CENPE: variants seen among roughly 807,000 people sequenced by gnomAD.
The protein encoded by CENPE is centromere-associated protein E.
Under a neutral mutation model 336.1 loss-of-function variants are expected in CENPE, and 145 were observed. The observed-to-expected ratio is 0.43, with a 90% confidence interval of 0.38 to 0.50. The LOEUF (loss-of-function observed/expected upper bound fraction) is 0.50, where lower values mean the gene tolerates loss of function less well. CENPE is among the 20% of genes least tolerant of loss of function. The pLI is 0.00. For missense variants in CENPE, 2,719 were observed against 3,023.3 expected (o/e 0.90, Z 2.36); for synonymous variants, 1,013 against 984.8 (o/e 1.03, Z -0.54).
intron 46 of CENPE, among the ~76,000 whole-genome samples, chr4:103,112,157 T>G (rs1174875374): frequency 6.6e-6 from 1 of 150,716 alleles, no homozygotes; most frequent in Admixed American, 6.6e-5. Flanking sequence ...TGTGTGCACA[T>G]GCATATATAT....
intron 16 of CENPE, among the ~76,000 whole-genome samples, chr4:103,168,069 G>A (rs1279133151): frequency 6.6e-6 from 1 of 151,818 alleles, no homozygotes; most frequent in African/African-American, 2.4e-5. Flanking sequence ...GATTCCGACG[G>A]GGACATGTAC....
chr4:103,139,836 T>A lies in CENPE; in HGVS notation c.6157A>T (p.Met2053Leu), dbSNP rs764537289. 1.1e-5 allele frequency: 18 copies of A among 1,612,582 alleles called. No homozygotes were observed. The highest frequency in any genetic ancestry group is 1.5e-5 in the Non-Finnish European group (18 of 1,179,432). Reference protein sequence around the residue: ...ELRRIKESLKMERDQFIATLR... With the variant: ...ELRRIKESLKLERDQFIATLR... Reference sequence around the variant, plus strand: ...GTTGCTATGAATTGGTCCCTTTCCATTTTGAGAGATTCTTTTATCCTCCTT... The same window carrying A: ...GTTGCTATGAATTGGTCCCTTTCCAATTTGAGAGATTCTTTTATCCTCCTT... Residue 2053 changes from methionine (M) to leucine (L), a missense_variant, in exon 38 of 49, where the codon ATG (methionine) becomes TTG (leucine). Coordinates refer to ENST00000265148, the MANE Select transcript of CENPE (RefSeq NM_001813.3).
chr4:103,140,782 T>C (rs771514108), intron 36 of CENPE, 32 bp downstream of exon 36: 2 of 1,531,574 alleles, frequency 1.3e-6, no homozygotes, highest in Non-Finnish European at 1.7e-6. Context: ...TATGTGAATA[T>C]AATGGTAGGG....
At chr4:103,166,882 T>C (rs1174116229) in intron 16 of CENPE, among the ~76,000 whole-genome samples, 1 of 152,218 alleles carries the variant, frequency 6.6e-6, no homozygotes, top group African/African-American at 2.4e-5. Context: ...GCCTCTAGGT[T>C]AAGGACACTT....
chr4:103,140,420 T>C lies in CENPE; in HGVS notation c.5755-6A>G, dbSNP rs760251691. ...TCCTGTTGTATTTCCAGATCCTTTA[T>C]GGTTAGAAGAAATCAAGAAATGTAA... On this transcript the variant is annotated splice_region_variant and splice_polypyrimidine_tract_variant and intron_variant, in intron 36 of 48. Coordinates refer to ENST00000265148, the MANE Select transcript of CENPE (RefSeq NM_001813.3). The C allele has an allele frequency of 1.5e-5, 23 of 1,551,786 alleles. No homozygotes were observed. The highest frequency in any genetic ancestry group is 4.2e-5 in the Admixed American group (2 of 48,080).
rs750182028 is a variant in CENPE, at chr4:103,195,101, G to A, written c.477+13C>T. The stretch of plus-strand genomic sequence containing the variant: ...TCAGTCAATTTTAAAGCTCCCTTAA[G>A]TCTGCTACTCACATTGACATCTTCT... On this transcript the variant is annotated intron_variant, in intron 5 of 48. Coordinates refer to ENST00000265148, the MANE Select transcript of CENPE (RefSeq NM_001813.3). 3.2e-6 allele frequency: 5 copies of A among 1,565,386 alleles called. No homozygotes were observed. The highest frequency in any genetic ancestry group is 3.4e-6 in the Non-Finnish European group (4 of 1,166,210).
rs773732086 is a variant in CENPE at position 103,194,452 on chromosome 4, G to A, written c.560-11C>T. 19 of 1,588,732 alleles carry A rather than the reference G, an allele frequency of 1.2e-5. No individual in the cohort carries two copies. The highest frequency in any genetic ancestry group is 8.6e-7 in the Non-Finnish European group (1 of 1,164,188). ...CATAATGCCTGCTCTCTGTAAAAAT[G>A]AGTTATATTTCAGCTGCATATATAA... On this transcript the variant is annotated splice_polypyrimidine_tract_variant and intron_variant, in intron 6 of 48. Coordinates refer to ENST00000265148, the MANE Select transcript of CENPE (RefSeq NM_001813.3).
intron 40 of CENPE, among the ~76,000 whole-genome samples, chr4:103,135,738 T>A (rs371520430): frequency 6.7e-6 from 1 of 149,256 alleles, no homozygotes; most frequent in East Asian, 1.9e-4. Context: ...AACAATAGTC[T>A]AATGATTCCC....
intron 42 of CENPE, among the ~76,000 whole-genome samples, chr4:103,126,873 T>C (rs183260210): frequency 6.6e-6 from 1 of 151,756 alleles, no homozygotes; most frequent in East Asian, 1.9e-4. Flanking sequence ...CTTCCAAAAC[T>C]GAAAAGCAAA....
At chr4:103,140,233 A>G (rs1200785067) in intron 37 of CENPE, 23 bp downstream of exon 37, 1 of 1,571,014 alleles carries the variant, frequency 6.4e-7, no homozygotes. Flanking sequence ...TTACTTCCAA[A>G]AGAAGAACAA....
chr4:103,151,148 C>A, intron 26 of CENPE, 71 bp downstream of exon 26: 1 of 1,429,604 alleles, frequency 7.0e-7, no homozygotes, highest in Non-Finnish European at 9.6e-7. Context: ...TTTAGGTCTA[C>A]AGAAATAAAA....
intron 45 of CENPE, 55 bp from the exon 46 acceptor site, chr4:103,114,607 G>T: frequency 9.2e-7 from 1 of 1,089,678 alleles, no homozygotes. Flanking sequence ...TTTTACAGGA[G>T]AATAAACAGA....
intron 42 of CENPE, among the ~76,000 whole-genome samples, chr4:103,127,245 T>C (rs1043637499): frequency 2.6e-4 from 40 of 151,710 alleles, no homozygotes; most frequent in African/African-American, 8.2e-4. Context: ...ACCATACCTA[T>C]AGGGGAGTGA....
At chr4:103,168,029 G>C (rs1246863194) in intron 16 of CENPE, among the ~76,000 whole-genome samples, 1 of 152,132 alleles carries the variant, frequency 6.6e-6, no homozygotes, top group South Asian at 2.1e-4. Flanking sequence ...GAGCCACCAG[G>C]ACAGGCTTGC....
chr4:103,180,285 T>C (rs202109822), intron 13 of CENPE, 26 bp downstream of exon 13: 711 of 1,599,652 alleles, frequency 4.4e-4, no homozygotes, highest in Non-Finnish European at 5.8e-4. Context: ...GTACATCAAG[T>C]TTAAGCTGTC....
intron 25 of CENPE, 104 bp from the exon 26 acceptor site, chr4:103,151,481 G>A: frequency 4.7e-6 from 4 of 845,688 alleles, no homozygotes; most frequent in African/African-American, 1.8e-5. Context: ...AAGAAATCAG[G>A]GAAAACTATA....
rs1751766056 is a variant in CENPE, at chr4:103,133,179, A to G, written c.6721-283T>C. ...AGAATTAAAGCTTGTCAAAATGACA[A>G]ATTTGTGACTAATTGCTACAATACC... On this transcript the variant is annotated intron_variant, in intron 41 of 48. Coordinates refer to ENST00000265148, the MANE Select transcript of CENPE (RefSeq NM_001813.3). Among the ~76,000 whole-genome samples the G allele has an allele frequency of 1.3e-5, 2 of 151,996 alleles. 1 individual carries two copies. Among genetic ancestry groups the G allele is most frequent in the South Asian group, 4.1e-4 (2 of 4,820 alleles).
At chr4:103,188,891 G>A (rs1322381575) in intron 8 of CENPE, among the ~76,000 whole-genome samples, 10 of 151,918 alleles carry the variant, frequency 6.6e-5, no homozygotes, top group Admixed American at 2.0e-4. Flanking sequence ...TTGATAGACC[G>A]CTAGCAAGAC....
chr4:103,148,605 C>T (rs181342306), intron 28 of CENPE, among the ~76,000 whole-genome samples: 2 of 152,220 alleles, frequency 1.3e-5, no homozygotes, highest in South Asian at 2.1e-4. Context: ...CATTTGATTG[C>T]TTATTTATCA....
Sources: gnomAD v4.1 joint callset for allele counts (sites outside exome capture counted in the v4.1 genomes callset) on GRCh38, gnomAD v4.1.1 for gene constraint, MANE v1.5 for transcripts, NCBI Gene and HGNC (gene_info 2026-07-23, HGNC 2026-07-21) for gene names.